MTA2: variants seen among roughly 807,000 people sequenced by gnomAD.
MTA2 encodes metastasis associated 1 family member 2.
A neutral mutation model predicts 87.1 loss-of-function variants in MTA2; 22 were observed. The ratio of observed to expected loss-of-function variants is 0.25; its 90% CI spans 0.18 to 0.36. The LOEUF (loss-of-function observed/expected upper bound fraction) is 0.36, where lower values mean the gene tolerates loss of function less well. Among genes scored for constraint, MTA2 ranks in the 10% least tolerant of loss-of-function variants. The probability of loss-of-function intolerance (pLI) is 1.00; values close to 1 mark genes in which losing one functional copy is unlikely to be tolerated. For synonymous variants in MTA2, 314 were observed against 310.1 expected (o/e 1.01, Z -0.13); for missense variants, 542 against 853.2 (o/e 0.64, Z 4.54).
intron 2 of MTA2, 27 bp downstream of exon 2, chr11:62,600,595 G>A (rs1942171489): frequency 1.2e-6 from 2 of 1,603,984 alleles, no homozygotes. Flanking sequence ...CTGCGGGAGG[G>A]AGGGAGAGGG....
intron 1 of MTA2, 142 bp downstream of exon 1, chr11:62,601,281 G>C (rs901146031): frequency 3.9e-5 from 42 of 1,066,614 alleles, no homozygotes; most frequent in Non-Finnish European, 5.3e-5. Flanking sequence ...CTCTCTCCTC[G>C]TCTCCCGGTT....
At position 62,596,646 on chromosome 11, in the gene MTA2, G is replaced by A; in HGVS notation, c.873C>T (p.Arg291=). The A allele has an allele frequency of 6.2e-7, 1 of 1,612,614 alleles. No individual in the cohort carries two copies. Among genetic ancestry groups the A allele is most frequent in the Non-Finnish European group, 8.5e-7 (1 of 1,179,084 alleles). ...AGTGCCATCCACTTACAAAATCCTG[G>A]CGAATATCATTGAAGTCCTTCCCAT... The part of the protein sequence containing the change: ...EKYGKDFNDI[R]QDFLPWKSLA... Residue 291 remains arginine, a synonymous_variant, in exon 9 of 18, where the codon CGC becomes CGT. Transcript: ENST00000278823.
intron 17 of MTA2, 33 bp from the exon 18 acceptor site, chr11:62,594,073 G>C (rs752794500): frequency 1.9e-6 from 3 of 1,566,348 alleles, no homozygotes; most frequent in Non-Finnish European, 2.6e-6. Flanking sequence ...AAACAGAAAA[G>C]GCTTAGAGAA....
intron 3 of MTA2, 134 bp downstream of exon 3, chr11:62,600,032 T>C: frequency 1.4e-6 from 1 of 727,400 alleles, no homozygotes; most frequent in Non-Finnish European, 2.3e-6. Flanking sequence ...CAGGCCTCCC[T>C]CCTCAGGCCA....
In MTA2 at chr11:62,596,548, G is replaced by T. The variant is rs377670983; in HGVS notation, c.883-16C>A. ...TCCAGGGTAGCTAAGGGGGGCAGAG[G>T]GAGGAAGAATGAGCTGGCATCTGGC... On this transcript the variant is annotated splice_polypyrimidine_tract_variant and intron_variant, in intron 9 of 17. Coordinates refer to ENST00000278823, the MANE Select transcript of MTA2 (RefSeq NM_004739.4). 1 of 1,613,914 alleles carries T rather than the reference G, an allele frequency of 6.2e-7. No individual in the cohort carries two copies. Among genetic ancestry groups the T allele is most frequent in the Non-Finnish European group, 8.5e-7 (1 of 1,179,870 alleles).
At chr11:62,599,307 G>C (rs1377524690) in intron 3 of MTA2, 4 of 152,582 alleles carry the variant, frequency 2.6e-5, no homozygotes, top group Non-Finnish European at 5.9e-5. Context: ...GGGAGAAGGG[G>C]GGGGTTGTGC....
chr11:62,600,342 A>T, intron 2 of MTA2, 83 bp from the exon 3 acceptor site: 1 of 1,263,856 alleles, frequency 7.9e-7, no homozygotes, highest in Non-Finnish European at 1.1e-6. Context: ...AAAGAGACAA[A>T]TAACAGTAAG....
rs192825035 is a variant in MTA2 at position 62,593,820 on chromosome 11, G to T, written c.*55C>A. ...GACACGAAAGGGAAGGGAGGTTTGG[G>T]TGCCCTGGGCATCCACCCTCTACCT... On this transcript the variant is annotated 3_prime_UTR_variant, in exon 18 of 18. Coordinates refer to ENST00000278823, the MANE Select transcript of MTA2 (RefSeq NM_004739.4). 1.1e-4 allele frequency: 179 copies of T among 1,601,940 alleles called. No individual in the cohort carries two copies. In the African/African-American group the frequency reaches 2.1e-3, roughly 18 times the overall value.
At position 62,600,675 on chromosome 11, in the gene MTA2, CA is replaced by C; in HGVS notation, c.42del (p.Phe14LeufsTer70). On this transcript the variant is annotated frameshift_variant, in exon 2 of 18. Coordinates refer to ENST00000278823, the MANE Select transcript of MTA2 (RefSeq NM_004739.4). ...NMYRVGDYVY[F>X]ENSSSNPYLV... is the part of the protein sequence containing the mutation. ...AGGTAAGGATTGCTGGAAGAGTTCT[CA>C]AAATAGACGTAATCTGTAAGGGAAG... 6.2e-7 allele frequency: 1 copy of C among 1,613,714 alleles called. No homozygotes were observed. The highest frequency in any genetic ancestry group is 8.5e-7 in the Non-Finnish European group (1 of 1,179,856).
chr11:62,595,430 G>C lies in MTA2; in HGVS notation c.1317C>G (p.Thr439=). The C allele has an allele frequency of 6.2e-7, 1 of 1,614,232 alleles. No individual in the cohort carries two copies. The highest frequency in any genetic ancestry group is 8.5e-7 in the Non-Finnish European group (1 of 1,180,042). ...PEAQSLSPYT[T]SANRAKLLAK... is the part of the protein sequence containing the mutation. The stretch of plus-strand genomic sequence containing the variant: ...CCAGTAGCTTGGCCCTGTTGGCGCT[G>C]GTTGTGTAAGGAGAGAGACTTTGAG... Residue 439 remains threonine (T), a synonymous_variant, in exon 14 of 18, where the codon ACC becomes ACG. Transcript: ENST00000278823. This position sits in a 1 kb window ranked among gnomAD's most constrained non-coding sequence, Gnocchi z 4.9.
rs1346641535 is a variant in MTA2 at position 62,597,602 on chromosome 11, C to T, written c.593+8G>A. ...CCAGCCCATCTTCCCTATCCACCCA[C>T]CCCTCACCGGGCCACCACAAGAAAC... is the stretch of plus-strand genomic sequence containing the variant. On this transcript the variant is annotated splice_region_variant and intron_variant, in intron 7 of 17. Transcript: ENST00000278823. 5.0e-6 allele frequency: 8 copies of T among 1,613,412 alleles called. No homozygotes were observed. Among genetic ancestry groups the T allele is most frequent in the Middle Eastern group, 1.6e-4 (1 of 6,080 alleles).
At position 62,595,787 on chromosome 11, in the gene MTA2, G is replaced by C; in HGVS notation, c.1219C>G (p.Pro407Ala). ...CGAGTGGCCCCCTCAAGCTGAGTTG[G>C]GGTCTTCAGTCCCCCATACTTCTTC... ...YWKKYGGLKT[P>A]TQLEGATRGT... The change falls in exon 13 of 18, where the codon CCA becomes GCA. Residue 407 changes from proline (P) to alanine (A), a missense_variant. By Grantham distance (27) the Pro-to-Ala change is conservative. This residue lies in a region of MTA2 where 269 missense variants were observed against 346.4 expected (regional missense o/e 0.78). Coordinates refer to ENST00000278823, the MANE Select transcript of MTA2 (RefSeq NM_004739.4). This position sits in a 1 kb window ranked among gnomAD's most constrained non-coding sequence, Gnocchi z 4.9. The C allele has an allele frequency of 6.2e-7, 1 of 1,614,120 alleles. No homozygotes were observed. Among genetic ancestry groups the C allele is most frequent in the Non-Finnish European group, 8.5e-7 (1 of 1,180,036 alleles).
chr11:62,599,891 C>A (rs548300561), intron 3 of MTA2, among the ~76,000 whole-genome samples: 1 of 152,320 alleles, frequency 6.6e-6, no homozygotes, highest in East Asian at 1.9e-4. Context: ...CTTTAGAAAA[C>A]CATTGTTTCT....
rs200646171 is a variant in MTA2 at position 62,598,387 on chromosome 11, C to T, written c.312G>A (p.Gly104=). ...FESLPATHIR[G]KCSVTLLNET... ...CATTCAAGAGGGTCACACTGCATTT[C>T]CCCCTATAGGAGAGAGATTGGAAAA... Residue 104 remains glycine, a synonymous_variant, in exon 5 of 18, where the codon GGG becomes GGA. Transcript: ENST00000278823. 53 of 1,614,064 alleles carry T rather than the reference C, an allele frequency of 3.3e-5. No homozygotes were observed. Among genetic ancestry groups the T allele is most frequent in the Non-Finnish European group, 4.3e-5 (51 of 1,179,978 alleles).
rs896125911 is a variant in MTA2 at position 62,593,771 on chromosome 11, C to T, written c.*104G>A. Reference sequence around the variant, plus strand: ...GGACACACACTCACTTGCTCTCTTCCTTAATTCACTCCTCACTCCCTTCGA... The same window carrying T: ...GGACACACACTCACTTGCTCTCTTCTTTAATTCACTCCTCACTCCCTTCGA... On this transcript the variant is annotated 3_prime_UTR_variant, in exon 18 of 18. Transcript: ENST00000278823. 2.2e-5 allele frequency: 31 copies of T among 1,438,080 alleles called. No individual in the cohort carries two copies. Among genetic ancestry groups the T allele is most frequent in the Non-Finnish European group, 2.9e-5 (30 of 1,052,288 alleles). 89.1% of individuals were successfully genotyped at this position (1,438,080 alleles called of 1,614,324 possible).
intron 1 of MTA2, 53 bp from the exon 2 acceptor site, chr11:62,600,742 G>T (rs2134328377): frequency 3.9e-6 from 6 of 1,523,716 alleles, no homozygotes; most frequent in Non-Finnish European, 5.4e-6. Context: ...GATGGGAGAC[G>T]CAGAGCACCA....
Position 62,596,899 on chromosome 11 carries a change from C to G in MTA2, c.694-74G>C, listed in dbSNP as rs561267062. On this transcript the variant is annotated intron_variant, in intron 8 of 17. Transcript: ENST00000278823. ...CTCCCTTCCTGCTCCTTAAAACACTCCCACTCCCGGCCGGGCGCGGTGGCT... is the reference window on the plus strand; with the variant it reads ...CTCCCTTCCTGCTCCTTAAAACACTGCCACTCCCGGCCGGGCGCGGTGGCT... The G allele has an allele frequency of 3.5e-5, 52 of 1,475,276 alleles. No individual in the cohort carries two copies. The East Asian group carries it at 4.8e-4, about 14-fold the overall frequency. The allele number at this position is 1,475,276 out of a possible 1,614,324, so 91.4% of individuals were successfully genotyped here. A position where few individuals can be genotyped will look rare whatever the true frequency, so the allele number is the denominator to read the frequency against.
Position 62,594,407 on chromosome 11 carries a change from T to C in MTA2, c.1693A>G (p.Met565Val), listed in dbSNP as rs1942068098. 8 of 1,614,064 alleles carry C rather than the reference T, an allele frequency of 5.0e-6. No individual in the cohort carries two copies. The highest frequency in any genetic ancestry group is 6.8e-6 in the Non-Finnish European group (8 of 1,180,010). The change falls in exon 17 of 18, where the codon ATG becomes GTG. Residue 565 changes from methionine to valine, a missense_variant and splice_region_variant. Physicochemically the swap from Met to Val is conservative, Grantham distance 21. Around this residue, in one of 6 missense-constraint regions of MTA2, gnomAD observed 269 missense variants for 346.4 expected, o/e 0.78. Coordinates refer to ENST00000278823, the MANE Select transcript of MTA2 (RefSeq NM_004739.4). ...GIMVKRAYET[M>V]AGAGVPFSAN... ...GAGAAAGGAACCCCTGCCCCTGCCA[T>C]CTGGAAAAGGGGTAGGATGGCACAA...
At position 62,595,969 on chromosome 11, in the gene MTA2, C is replaced by T. The variant is rs558287390; in HGVS notation, c.1114+41G>A. 6.2e-7 allele frequency: 1 copy of T among 1,614,038 alleles called. No homozygotes were observed. Among genetic ancestry groups the T allele is most frequent in the Non-Finnish European group, 8.5e-7 (1 of 1,179,906 alleles). On this transcript the variant is annotated intron_variant, in intron 12 of 17. Transcript: ENST00000278823. This position sits in a 1 kb window ranked among gnomAD's most constrained non-coding sequence, Gnocchi z 4.9. ...CTCAGATTCTTGAGCCACAGCAGGC[C>T]TTCCACCCATCCCCACCATCCCAGT... is the stretch of plus-strand genomic sequence containing the variant.
Sources: gnomAD v4.1 joint callset for allele counts (sites outside exome capture counted in the v4.1 genomes callset) on GRCh38, gnomAD v4.1.1 for gene constraint, gnomAD v4.1.1 regional missense constraint, Gnocchi (gnomAD v3.1) non-coding constraint, MANE v1.5 for transcripts, NCBI Gene and HGNC (gene_info 2026-07-23, HGNC 2026-07-21) for gene names.